ASCC3: variants seen among roughly 807,000 people sequenced by gnomAD.
ASCC3 encodes the protein activating signal cointegrator 1 complex subunit 3.
ASCC3 carries 158 observed loss-of-function variants against 256.3 expected under a neutral mutation model. The observed-to-expected ratio is 0.62, with a 90% CI of 0.54 to 0.70. The LOEUF (loss-of-function observed/expected upper bound fraction) is 0.70. ASCC3 is among the 30% of genes least tolerant of loss of function. The probability of loss-of-function intolerance (pLI) is 0.00; values close to 1 mark genes in which losing one functional copy is unlikely to be tolerated. For synonymous variants in ASCC3, 948 were observed against 883.4 expected, an observed-to-expected ratio of 1.07 and a Z score of -1.30; for missense variants, 2,259 against 2,626.0, an observed-to-expected ratio of 0.86 and a Z score of 3.05.
chr6:100,556,640 T>C lies in ASCC3; in HGVS notation c.5551-16253A>G, dbSNP rs563658690. Among the ~76,000 whole-genome samples, 3 of 152,266 alleles carry C rather than the reference T, an allele frequency of 2.0e-5. No homozygotes were observed. The South Asian group carries it at 6.2e-4, about 32-fold the overall frequency. ...CCAGGCTAACGAAATAATTCTTTAT[T>C]ATGTATATAATTGTAGACTGTGGAG... On this transcript the variant is annotated intron_variant, in intron 36 of 41. Transcript: ENST00000369162.
intron 37 of ASCC3, among the ~76,000 whole-genome samples, chr6:100,524,550 C>T (rs1395589093): frequency 3.3e-5 from 5 of 152,042 alleles, no homozygotes; most frequent in Middle Eastern, 3.4e-3. Context: ...AACGAAAATC[C>T]GTATCATTAA....
chr6:100,625,252 C>T lies in ASCC3; in HGVS notation c.4725G>A (p.Leu1575=), dbSNP rs1774167333. ...RRQTRLTALE[L]IAFLATEEDP... ...CTTCTTCAGTAGCCAGGAAGGCGAT[C>T]AATTCCAAAGCAGTAAGACGAGTTT... The change falls in exon 30 of 42, where the codon TTG becomes TTA. Residue 1575 remains leucine, a synonymous_variant. Transcript: ENST00000369162. 3.1e-6 allele frequency: 5 copies of T among 1,612,852 alleles called. No homozygotes were observed. Among genetic ancestry groups the T allele is most frequent in the Non-Finnish European group, 4.2e-6 (5 of 1,179,306 alleles).
intron 30 of ASCC3, among the ~76,000 whole-genome samples, chr6:100,621,328 T>C (rs1773940238): frequency 6.6e-6 from 1 of 152,100 alleles, no homozygotes; most frequent in Non-Finnish European, 1.5e-5. Flanking sequence ...TTTATGTTAA[T>C]AAATACAATA....
chr6:100,695,582 A>T (rs1454808205), intron 13 of ASCC3, among the ~76,000 whole-genome samples: 1 of 151,986 alleles, frequency 6.6e-6, no homozygotes, highest in Non-Finnish European at 1.5e-5. Flanking sequence ...AAGCCTAGAG[A>T]CTCCTTTCTT....
intron 32 of ASCC3, 45 bp from the exon 33 acceptor site, chr6:100,605,745 G>C (rs779889673): frequency 1.9e-6 from 3 of 1,588,326 alleles, no homozygotes; most frequent in Non-Finnish European, 2.6e-6. Flanking sequence ...GTGGCATATA[G>C]CACAAGGTAT....
chr6:100,527,062 TAC>T (rs1233385311), intron 37 of ASCC3, among the ~76,000 whole-genome samples: 1 of 152,192 alleles, frequency 6.6e-6, no homozygotes, highest in Non-Finnish European at 1.5e-5. Flanking sequence ...TTACCTATGA[TAC>T]ACTGAGATCT....
At chr6:100,857,043 C>T (rs1453679791) in intron 3 of ASCC3, 1 of 152,080 alleles carries the variant, frequency 6.6e-6, no homozygotes, top group African/African-American at 2.4e-5. Flanking sequence ...CAATTGTAAA[C>T]TCTAGCAGCA....
chr6:100,869,455 T>C (rs902158906), intron 1 of ASCC3, among the ~76,000 whole-genome samples: 1 of 152,166 alleles, frequency 6.6e-6, no homozygotes, highest in African/African-American at 2.4e-5. Flanking sequence ...TAATAGAAAT[T>C]TTTTAATAAT....
chr6:100,703,390 C>G (rs1242212393), intron 13 of ASCC3, among the ~76,000 whole-genome samples: 1 of 151,878 alleles, frequency 6.6e-6, no homozygotes, highest in East Asian at 1.9e-4. Flanking sequence ...ACTTAAGTAA[C>G]TTATTATCAG....
At chr6:100,808,334 C>A (rs757470426) in intron 4 of ASCC3, among the ~76,000 whole-genome samples, 2 of 151,832 alleles carry the variant, frequency 1.3e-5, no homozygotes, top group Non-Finnish European at 2.9e-5. Context: ...CAAAACCTAG[C>A]ATAAAAATTC....
In ASCC3 at chr6:100,763,362, A is replaced by G. The variant is rs146799335; in HGVS notation, c.1737+3203T>C. Reference sequence around the variant, plus strand: ...TAGTCCCTGCCCTTACACAGTCAAAAATTACTGACGAAGGATACAGAGTCT... The same window carrying G: ...TAGTCCCTGCCCTTACACAGTCAAAGATTACTGACGAAGGATACAGAGTCT... On this transcript the variant is annotated intron_variant, in intron 10 of 41. Coordinates refer to ENST00000369162, the MANE Select transcript of ASCC3 (RefSeq NM_006828.4). 2.5e-3 allele frequency among the ~76,000 whole-genome samples: 380 copies of G among 152,334 alleles called. 1 individual carries two copies. The highest frequency in any genetic ancestry group is 8.3e-3 in the African/African-American group (347 of 41,568).
rs1010998953 is a variant in ASCC3, at chr6:100,606,876, A to G, written c.4924-16T>C. 1.1e-5 allele frequency: 18 copies of G among 1,609,508 alleles called. No individual in the cohort carries two copies. The highest frequency in any genetic ancestry group is 1.4e-5 in the Non-Finnish European group (17 of 1,177,752). Reference sequence around the variant, plus strand: ...CAATAAGAACCTAAAAAGCAAAATAAAATATCTTATATCTAAGTAAAATAT... The same window carrying G: ...CAATAAGAACCTAAAAAGCAAAATAGAATATCTTATATCTAAGTAAAATAT... On this transcript the variant is annotated splice_polypyrimidine_tract_variant and intron_variant, in intron 31 of 41. Coordinates refer to ENST00000369162, the MANE Select transcript of ASCC3 (RefSeq NM_006828.4).
At chr6:100,821,422 G>T (rs1256929237) in intron 4 of ASCC3, among the ~76,000 whole-genome samples, 1 of 152,012 alleles carries the variant, frequency 6.6e-6, no homozygotes, top group Non-Finnish European at 1.5e-5. Flanking sequence ...CACAAGTTTG[G>T]TTATTCATAA....
At chr6:100,552,926 A>T (rs1398726895) in intron 36 of ASCC3, among the ~76,000 whole-genome samples, 2 of 151,896 alleles carry the variant, frequency 1.3e-5, no homozygotes, top group Non-Finnish European at 2.9e-5. Context: ...TTGATTATGG[A>T]CTTGAAAAGA....
At chr6:100,585,842 C>T (rs1771631201) in intron 36 of ASCC3, among the ~76,000 whole-genome samples, 1 of 152,162 alleles carries the variant, frequency 6.6e-6, no homozygotes, top group Non-Finnish European at 1.5e-5. Context: ...TGCTAGAGGT[C>T]CACTCCAGAC....
intron 17 of ASCC3, among the ~76,000 whole-genome samples, chr6:100,654,044 A>G (rs1045731691): frequency 6.6e-6 from 1 of 152,102 alleles, no homozygotes; most frequent in African/African-American, 2.4e-5. Flanking sequence ...AATAAATTTT[A>G]AAAATCAGGA....
intron 21 of ASCC3, among the ~76,000 whole-genome samples, chr6:100,647,004 G>T (rs239238): frequency 0.59 from 89,774 of 151,910 alleles, 27,010 homozygotes; most frequent in East Asian, 0.73. Flanking sequence ...TTAATAGGGT[G>T]CTTAAAATTA....
At chr6:100,668,129 C>T (rs1337714182) in intron 14 of ASCC3, among the ~76,000 whole-genome samples, 1 of 151,978 alleles carries the variant, frequency 6.6e-6, no homozygotes, top group Non-Finnish European at 1.5e-5. Flanking sequence ...TGAGCTACAA[C>T]AGGAGGGCTG....
chr6:100,821,650 C>T (rs374375966), intron 4 of ASCC3, among the ~76,000 whole-genome samples: 2 of 151,836 alleles, frequency 1.3e-5, no homozygotes, highest in East Asian at 3.9e-4. Flanking sequence ...ATGGTGAAAC[C>T]CTGTCTCTAC....
Sources: gnomAD v4.1 joint callset for allele counts (sites outside exome capture counted in the v4.1 genomes callset) on GRCh38, gnomAD v4.1.1 for gene constraint, MANE v1.5 for transcripts, NCBI Gene and HGNC (gene_info 2026-07-23, HGNC 2026-07-21) for gene names.